WDR75: variants seen among roughly 807,000 people sequenced by gnomAD.
WDR75 encodes WD repeat-containing protein 75.
A neutral mutation model predicts 106.1 loss-of-function variants in WDR75; 52 were observed. The ratio of observed to expected loss-of-function variants is 0.49; its 90% confidence interval spans 0.39 to 0.62. WDR75 has a LOEUF of 0.62. Among genes scored for constraint, WDR75 ranks in the 20% least tolerant of loss-of-function variants. The pLI is 0.00. For missense variants in WDR75, 905 were observed against 970.3 expected, an observed-to-expected ratio of 0.93 and a Z score of 0.89; for synonymous variants, 333 against 335.5, an observed-to-expected ratio of 0.99 and a Z score of 0.08.
intron 1 of WDR75, among the ~76,000 whole-genome samples, chr2:189,447,941 T>A (rs375584072): frequency 2.6e-5 from 4 of 152,208 alleles, no homozygotes; most frequent in Admixed American, 6.5e-5. Flanking sequence ...AGGGACCCAA[T>A]TGGAGATAAC....
chr2:189,453,379 T>C (rs1396437541), intron 4 of WDR75, among the ~76,000 whole-genome samples: 1 of 152,214 alleles, frequency 6.6e-6, no homozygotes, highest in Non-Finnish European at 1.5e-5. Flanking sequence ...AACAACTTCC[T>C]GTACTCACTC....
chr2:189,474,712 T>G lies in WDR75; in HGVS notation c.2197-5T>G, dbSNP rs775220126. On this transcript the variant is annotated splice_polypyrimidine_tract_variant and splice_region_variant and intron_variant, in intron 19 of 20. Coordinates refer to ENST00000314761, the MANE Select transcript of WDR75 (RefSeq NM_032168.3). ...ATTGCAACCGTGTTTTCTGTTTGAC[T>G]CCAGCTTCTTCACACTCCAGCCCAT... 3.7e-5 allele frequency: 59 copies of G among 1,613,492 alleles called. No homozygotes were observed. In the Middle Eastern group the frequency reaches 6.6e-4, roughly 18 times the overall value.
intron 2 of WDR75, chr2:189,449,172 C>G: frequency 8.9e-7 from 1 of 1,119,640 alleles, no homozygotes; most frequent in Middle Eastern, 2.5e-4. Flanking sequence ...TTCGGCAAAT[C>G]TACTAAAATT....
chr2:189,467,456 A>G lies in WDR75; in HGVS notation c.1448-12A>G. On this transcript the variant is annotated splice_polypyrimidine_tract_variant and intron_variant, in intron 13 of 20. Coordinates refer to ENST00000314761, the MANE Select transcript of WDR75 (RefSeq NM_032168.3). ...ACACAATTTCTGAACATTATGGCTT[A>G]TATTTCCACAGAAAAAGCTGTTGGC... is the stretch of plus-strand genomic sequence containing the variant. 2 of 1,589,586 alleles carry G rather than the reference A, an allele frequency of 1.3e-6. No individual in the cohort carries two copies. The highest frequency in any genetic ancestry group is 1.7e-6 in the Non-Finnish European group (2 of 1,167,620).
intron 9 of WDR75, 84 bp downstream of exon 9, chr2:189,462,726 C>T (rs1277054631): frequency 7.5e-7 from 1 of 1,330,462 alleles, no homozygotes. Context: ...ATAAAGAGAC[C>T]TAAAACTAAG....
intron 12 of WDR75, among the ~76,000 whole-genome samples, chr2:189,465,726 C>T (rs1315568604): frequency 2.6e-5 from 4 of 152,104 alleles, no homozygotes; most frequent in Non-Finnish European, 5.9e-5. Context: ...GCTTTGTACC[C>T]ATTATCTTAC....
At chr2:189,473,016 G>A (rs1337945756) in intron 18 of WDR75, among the ~76,000 whole-genome samples, 1 of 152,014 alleles carries the variant, frequency 6.6e-6, no homozygotes, top group East Asian at 1.9e-4. Flanking sequence ...TCAGGAGTTC[G>A]AGACCAGCCT....
rs1215411565 is a variant in WDR75 at position 189,470,082 on chromosome 2, T to A, written c.1826T>A (p.Val609Glu). 2 of 1,611,336 alleles carry A rather than the reference T, an allele frequency of 1.2e-6. No homozygotes were observed. The highest frequency in any genetic ancestry group is 1.7e-6 in the Non-Finnish European group (2 of 1,178,822). The change falls in exon 17 of 21, where the codon GTA (valine) becomes GAA (glutamate). Residue 609 changes from valine to glutamate, a missense_variant. Val to Glu is a moderately radical substitution (Grantham distance 121). Coordinates refer to ENST00000314761, the MANE Select transcript of WDR75 (RefSeq NM_032168.3). ...CTTTGTTTTTTCCCTCTAGTGTTTG[T>A]ATTTAAACCTAGTGAGCCAAGGCCA... ...SQSSVGSDLF[V>E]FKPSEPRPLY...
intron 2 of WDR75, chr2:189,450,150 A>T (rs915666725): frequency 5.2e-6 from 5 of 964,900 alleles, no homozygotes; most frequent in African/African-American, 3.5e-5. Flanking sequence ...GCATCCAAGC[A>T]TATTATAATT....
At chr2:189,448,352 AC>A in intron 1 of WDR75, 26 bp from the exon 2 acceptor site, 1 of 1,606,222 alleles carries the variant, frequency 6.2e-7, no homozygotes, top group Non-Finnish European at 8.5e-7. Context: ...AGTATGTAAA[AC>A]TTACTTTTCT....
intron 11 of WDR75, 87 bp downstream of exon 11, chr2:189,464,048 AC>A (rs1460757431): frequency 9.1e-7 from 1 of 1,099,170 alleles, no homozygotes; most frequent in Non-Finnish European, 1.3e-6. Context: ...AGCTTTTAAA[AC>A]AAGATCCTGT....
chr2:189,446,660 C>T (rs189949138), intron 1 of WDR75, among the ~76,000 whole-genome samples: 1 of 152,254 alleles, frequency 6.6e-6, no homozygotes, highest in Admixed American at 6.5e-5. Context: ...AATACAGTAG[C>T]TCTCCCTTGT....
At chr2:189,457,093 T>C (rs1686752487) in intron 5 of WDR75, among the ~76,000 whole-genome samples, 4 of 151,834 alleles carry the variant, frequency 2.6e-5, no homozygotes, top group Admixed American at 2.6e-4. Context: ...ATACAAAAAT[T>C]AGCCAGGCGT....
At chr2:189,455,240 C>CTAAAAAAAAA (rs1686708482) in intron 4 of WDR75, 80 bp from the exon 5 acceptor site, 5 of 1,130,780 alleles carry the variant, frequency 4.4e-6, no homozygotes, top group East Asian at 3.1e-5. Context: ...GACTTTGCCT[C>CTAAAAAAAAA]AAAAAAAAAA....
intron 18 of WDR75, among the ~76,000 whole-genome samples, 174 bp from the exon 19 acceptor site, chr2:189,474,012 G>A (rs960562736): frequency 1.3e-5 from 2 of 152,088 alleles, no homozygotes; most frequent in Non-Finnish European, 2.9e-5. Flanking sequence ...TCTCATAAGT[G>A]GGATGCTAGG....
chr2:189,446,110 G>C (rs1183112481), intron 1 of WDR75, among the ~76,000 whole-genome samples: 1 of 152,154 alleles, frequency 6.6e-6, no homozygotes, highest in Non-Finnish European at 1.5e-5. Flanking sequence ...CTGGGGGATG[G>C]GGGAAATTGT....
intron 3 of WDR75, 36 bp downstream of exon 3, chr2:189,451,004 TA>T (rs1470897436): frequency 8.3e-6 from 13 of 1,575,390 alleles, no homozygotes; most frequent in South Asian, 3.6e-5. Flanking sequence ...GTTATGTGAA[TA>T]AAAAAAGGCA....
intron 7 of WDR75, 82 bp downstream of exon 7, chr2:189,458,954 C>A: frequency 1.4e-6 from 2 of 1,405,266 alleles, no homozygotes; most frequent in Non-Finnish European, 1.9e-6. Context: ...TCTCTGGGTC[C>A]CAAGAAACAG....
In WDR75 at chr2:189,450,942, G is replaced by A; in HGVS notation, c.256G>A (p.Asp86Asn). The A allele has an allele frequency of 6.2e-7, 1 of 1,610,432 alleles. No individual in the cohort carries two copies. Among genetic ancestry groups the A allele is most frequent in the Non-Finnish European group, 8.5e-7 (1 of 1,179,072 alleles). ...CSLDGTIKLWDYIDGILIKTF... is the reference protein window; with the variant it reads ...CSLDGTIKLWNYIDGILIKTF... ...CCTTGATGGCACAATTAAACTGTGG[G>A]ACTATATAGATGGCATCTTAATAAA... is the stretch of plus-strand genomic sequence containing the variant. Residue 86 changes from aspartate (D) to asparagine (N), a missense_variant, in exon 3 of 21, where the codon GAC becomes AAC. Transcript: ENST00000314761.
Sources: gnomAD v4.1 joint callset for allele counts (sites outside exome capture counted in the v4.1 genomes callset) on GRCh38, gnomAD v4.1.1 for gene constraint, MANE v1.5 for transcripts, NCBI Gene and HGNC (gene_info 2026-07-23, HGNC 2026-07-21) for gene names.